The following CRISPLD2 variants were observed in gnomAD, a reference collection of about 807,000 sequenced individuals.
The protein encoded by CRISPLD2 is cysteine rich secretory protein LCCL domain containing 2.
Under a neutral mutation model 71.1 loss-of-function variants are expected in CRISPLD2, and 47 were observed. The observed-to-expected ratio is 0.66, with a 90% CI of 0.52 to 0.84. The LOEUF (loss-of-function observed/expected upper bound fraction) is 0.84, where lower values mean the gene tolerates loss of function less well. CRISPLD2 is among the 40% of genes least tolerant of loss of function. CRISPLD2 has a pLI of 0.00. For missense variants in CRISPLD2, 830 were observed against 651.1 expected, an observed-to-expected ratio of 1.27 and a Z score of -2.99; for synonymous variants, 317 against 250.1, an observed-to-expected ratio of 1.27 and a Z score of -2.52.
intron 13 of CRISPLD2, among the ~76,000 whole-genome samples, chr16:84,882,946 C>A (rs564040114): frequency 6.0e-4 from 91 of 152,266 alleles, no homozygotes; most frequent in Non-Finnish European, 1.2e-3. Context: ...CATAGCTACA[C>A]TGATATGAAC....
At chr16:84,873,772 A>C in intron 10 of CRISPLD2, 148 bp from the exon 11 acceptor site, 9 of 728,318 alleles carry the variant, frequency 1.2e-5, no homozygotes, top group Non-Finnish European at 1.7e-5. Context: ...AGAACATTCT[A>C]AGAGCTCTCA....
At chr16:84,851,422 C>T (rs538132734) in intron 5 of CRISPLD2, among the ~76,000 whole-genome samples, 69 of 151,160 alleles carry the variant, frequency 4.6e-4, no homozygotes, top group Non-Finnish European at 8.4e-4. Context: ...CGCTGGCCAC[C>T]GCCGTTCTTG....
chr16:84,872,675 A>C (rs894823197), intron 9 of CRISPLD2, among the ~76,000 whole-genome samples, 167 bp downstream of exon 9: 2 of 152,224 alleles, frequency 1.3e-5, no homozygotes, highest in Non-Finnish European at 2.9e-5. Flanking sequence ...CAAACTAGCA[A>C]AGCCACTTTC....
intron 2 of CRISPLD2, among the ~76,000 whole-genome samples, chr16:84,845,452 G>A (rs540831045): frequency 2.6e-4 from 40 of 152,340 alleles, no homozygotes; most frequent in African/African-American, 9.6e-4. Flanking sequence ...GATGGCTGCT[G>A]ACCTTCCCTT....
intron 1 of CRISPLD2, among the ~76,000 whole-genome samples, chr16:84,832,113 A>T (rs1230183042): frequency 6.6e-6 from 1 of 152,272 alleles, no homozygotes; most frequent in Admixed American, 6.5e-5. Flanking sequence ...TGTTCATAGC[A>T]TTCCACATTA....
chr16:84,829,605 T>C (rs147172664), intron 1 of CRISPLD2, among the ~76,000 whole-genome samples: 2 of 152,274 alleles, frequency 1.3e-5, no homozygotes, highest in African/African-American at 4.8e-5. Context: ...CTGTGGACCA[T>C]GGGTCTCAGC....
intron 1 of CRISPLD2, among the ~76,000 whole-genome samples, chr16:84,823,926 C>G (rs559402263): frequency 6.6e-6 from 1 of 152,282 alleles, no homozygotes; most frequent in South Asian, 2.1e-4. Flanking sequence ...GTCATGCTCC[C>G]ATTTTGCTTG....
At chr16:84,842,868 T>G (rs1916813534) in intron 2 of CRISPLD2, among the ~76,000 whole-genome samples, 1 of 152,140 alleles carries the variant, frequency 6.6e-6, no homozygotes, top group South Asian at 2.1e-4. Context: ...CTGGAGAGGT[T>G]GTCAGCATCT....
At chr16:84,905,802 C>T (rs896483478) in intron 14 of CRISPLD2, among the ~76,000 whole-genome samples, 1 of 151,258 alleles carries the variant, frequency 6.6e-6, no homozygotes, top group African/African-American at 2.4e-5. Context: ...CTCCGCCTCC[C>T]AGGTTCAAGT....
At chr16:84,863,591 C>T (rs957430699) in intron 6 of CRISPLD2, among the ~76,000 whole-genome samples, 3 of 152,212 alleles carry the variant, frequency 2.0e-5, no homozygotes, top group African/African-American at 4.8e-5. Context: ...CTGGGCAGGG[C>T]CCTTACCCTC....
intron 9 of CRISPLD2, 74 bp downstream of exon 9, chr16:84,872,582 T>G: frequency 7.7e-7 from 1 of 1,302,594 alleles, no homozygotes; most frequent in Non-Finnish European, 1.1e-6. Context: ...GGTGGTTGGC[T>G]TTAGTAGGAA....
chr16:84,863,465 G>A (rs1348408318), intron 6 of CRISPLD2, among the ~76,000 whole-genome samples: 1 of 152,110 alleles, frequency 6.6e-6, no homozygotes. Flanking sequence ...CAGGGATAAG[G>A]ATATAAAAAA....
intron 3 of CRISPLD2, among the ~76,000 whole-genome samples, chr16:84,847,674 T>C (rs1451366938): frequency 6.6e-6 from 1 of 151,496 alleles, no homozygotes; most frequent in Admixed American, 6.6e-5. Context: ...AATCTTACAA[T>C]AACATGAAAG....
intron 13 of CRISPLD2, among the ~76,000 whole-genome samples, chr16:84,884,573 A>T (rs896248692): frequency 3.9e-5 from 6 of 152,122 alleles, no homozygotes; most frequent in African/African-American, 1.4e-4. Flanking sequence ...GTGGGCCCTG[A>T]GGAGAGGAAT....
intron 6 of CRISPLD2, among the ~76,000 whole-genome samples, chr16:84,861,714 A>G (rs1210335355): frequency 6.6e-6 from 1 of 152,174 alleles, no homozygotes; most frequent in Non-Finnish European, 1.5e-5. Flanking sequence ...ATCACAGGCC[A>G]GGAGTTCTAG....
At chr16:84,869,225 A>G (rs1044606993) in intron 8 of CRISPLD2, among the ~76,000 whole-genome samples, 2 of 152,102 alleles carry the variant, frequency 1.3e-5, no homozygotes, top group African/African-American at 2.4e-5. Flanking sequence ...AGTCATTCAG[A>G]TGATGAACGC....
At chr16:84,843,089 T>C (rs1254948531) in intron 2 of CRISPLD2, among the ~76,000 whole-genome samples, 1 of 152,168 alleles carries the variant, frequency 6.6e-6, no homozygotes, top group East Asian at 1.9e-4. Context: ...TTTCATGTTT[T>C]CCTGTTTGTT....
intron 1 of CRISPLD2, chr16:84,836,330 G>A (rs369491905): frequency 9.9e-5 from 15 of 152,284 alleles, no homozygotes; most frequent in Admixed American, 4.6e-4. Flanking sequence ...GAGCCTGGCC[G>A]CCTGCAGCTG....
chr16:84,879,005 G>A (rs190336562), intron 12 of CRISPLD2, among the ~76,000 whole-genome samples: 62 of 152,304 alleles, frequency 4.1e-4, no homozygotes, highest in African/African-American at 1.4e-3. Flanking sequence ...GAGACCTGTG[G>A]ATTCTCCAAG....
Sources: allele counts gnomAD v4.1 joint callset (sites outside exome capture counted in the v4.1 genomes callset), GRCh38; gene constraint gnomAD v4.1.1; transcripts MANE v1.5; gene names NCBI Gene and HGNC (gene_info 2026-07-23, HGNC 2026-07-21).